The following SLC48A1 variants were observed in gnomAD, a reference collection of about 807,000 sequenced individuals.
SLC48A1 encodes the protein solute carrier family 48 member 1.
SLC48A1 carries 6 observed loss-of-function variants against 14.8 expected under a neutral mutation model. That is an observed-to-expected ratio of 0.41 (90% CI 0.22 to 0.80). SLC48A1 has a LOEUF of 0.80. SLC48A1 is among the 30% of genes least tolerant of loss of function. The probability of loss-of-function intolerance (pLI) is 0.34; values close to 1 mark genes in which losing one functional copy is unlikely to be tolerated. For synonymous variants in SLC48A1, 89 were observed against 90.0 expected, an observed-to-expected ratio of 0.99 and a Z score of 0.06; for missense variants, 165 against 204.8, an observed-to-expected ratio of 0.81 and a Z score of 1.19.
chr12:47,758,878 G>C, intron 1 of SLC48A1: 1 of 1,146,298 alleles, frequency 8.7e-7, no homozygotes, highest in Non-Finnish European at 1.1e-6. Context: ...GCAAGGCTGC[G>C]CTGGCACCGG....
intron 2 of SLC48A1, chr12:47,760,498 G>A: frequency 1.3e-6 from 1 of 741,868 alleles, no homozygotes; most frequent in Non-Finnish European, 1.6e-6. Context: ...GGCTTCCTGA[G>A]ACTGGCAGTT....
At chr12:47,762,258 G>T (rs935511084) in intron 2 of SLC48A1, among the ~76,000 whole-genome samples, 6 of 152,078 alleles carry the variant, frequency 3.9e-5, no homozygotes, top group Non-Finnish European at 7.4e-5. Context: ...ACCAGGCTTT[G>T]ACTCTGGGCT....
upstream of SLC48A1, chr12:47,769,007 C>T (rs577574360): frequency 1.3e-5 from 2 of 152,308 alleles, no homozygotes; most frequent in Admixed American, 6.5e-5. Flanking sequence ...TTCATTCAAG[C>T]CTAGGTTCTT....
chr12:47,776,671 C>T (rs952628173), intron 1 of SLC48A1, among the ~76,000 whole-genome samples: 1 of 152,148 alleles, frequency 6.6e-6, no homozygotes, highest in Admixed American at 6.5e-5. Context: ...GTAAACCATG[C>T]CTGTTGTTAA....
upstream of SLC48A1, chr12:47,757,941 C>T (rs755334594): frequency 6.4e-7 from 1 of 1,558,036 alleles, no homozygotes; most frequent in South Asian, 1.2e-5. Context: ...GGGGCCGGTG[C>T]ATCCTTCTCA....
chr12:47,770,916 C>G (rs57408752), upstream of SLC48A1: 1 of 456,536 alleles, frequency 2.2e-6, no homozygotes, highest in Non-Finnish European at 4.4e-6. Flanking sequence ...GCGGTTCCCA[C>G]TGCCTGGAGT....
At chr12:47,759,133 G>T in intron 1 of SLC48A1, 33 of 982,798 alleles carry the variant, frequency 3.4e-5, no homozygotes, top group Non-Finnish European at 4.0e-5. Context: ...AACGGCCGGG[G>T]TGTCAGGGAT....
At chr12:47,758,208 T>C, upstream of SLC48A1, 1 of 1,439,074 alleles carries the variant, frequency 6.9e-7, no homozygotes, top group Non-Finnish European at 9.1e-7. Context: ...GCTGCAACCC[T>C]GCCAGGAGCT....
chr12:47,774,550 T>G (rs1489999600), intron 1 of SLC48A1, among the ~76,000 whole-genome samples: 1 of 152,174 alleles, frequency 6.6e-6, no homozygotes, highest in Non-Finnish European at 1.5e-5. Context: ...ATTACTAAAA[T>G]CCTCGGCCAA....
intron 1 of SLC48A1, 148 bp from the exon 2 acceptor site, chr12:47,778,880 A>T: frequency 2.2e-6 from 2 of 918,354 alleles, no homozygotes; most frequent in Non-Finnish European, 3.1e-6. Flanking sequence ...TTCTGATATC[A>T]CAGCCTCCGA....
In SLC48A1 at chr12:47,780,821, C is replaced by A. The variant is rs1451778512; in HGVS notation, c.*540C>A. 1 of 498,564 alleles carries A rather than the reference C, an allele frequency of 2.0e-6. No homozygotes were observed. Among genetic ancestry groups the A allele is most frequent in the Non-Finnish European group, 4.0e-6 (1 of 247,232 alleles). The allele number at this position is 498,564 out of a possible 1,614,324, so 30.9% of individuals were successfully genotyped here. On this transcript the variant is annotated 3_prime_UTR_variant, in exon 3 of 3. Coordinates refer to ENST00000442218, the MANE Select transcript of SLC48A1 (RefSeq NM_017842.3). ...ATCTCAGGTGATTCACCCGCCTCAG[C>A]CTTCCAAAGTGCTGGGATTATAGGT...
At chr12:47,759,596 G>A (rs1942308530) in intron 1 of SLC48A1, among the ~76,000 whole-genome samples, 1 of 141,294 alleles carries the variant, frequency 7.1e-6, no homozygotes, top group Non-Finnish European at 1.6e-5. Context: ...GGTAGGTTGA[G>A]GCGGAGACCG....
chr12:47,764,970 G>A (rs369168559), intron 2 of SLC48A1, among the ~76,000 whole-genome samples: 6 of 151,106 alleles, frequency 4.0e-5, no homozygotes, highest in Non-Finnish European at 5.9e-5. Flanking sequence ...CAAGCTACTC[G>A]GGAGGCTGAG....
upstream of SLC48A1, chr12:47,771,660 G>C (rs562440491): frequency 6.6e-6 from 1 of 152,320 alleles, no homozygotes; most frequent in Non-Finnish European, 1.5e-5. Context: ...GGCCGGGCAC[G>C]GTGGGCTCAC....
exon 2 of SLC48A1, chr12:47,760,326 C>A (rs535039707): frequency 1.2e-4 from 118 of 985,372 alleles, no homozygotes; most frequent in Non-Finnish European, 1.4e-4. Flanking sequence ...ATCCATTCAA[C>A]GGAGTTCTGG....
chr12:47,758,768 G>A, intron 1 of SLC48A1: 1 of 1,241,942 alleles, frequency 8.1e-7, no homozygotes, highest in Non-Finnish European at 1.0e-6. Flanking sequence ...TAGAGGGGTG[G>A]GGGCGTGGTG....
At chr12:47,754,714 G>C (rs1363721173), upstream of SLC48A1, among the ~76,000 whole-genome samples, 11 of 152,174 alleles carry the variant, frequency 7.2e-5, no homozygotes, top group Admixed American at 2.0e-4. Flanking sequence ...ATTATTTCAT[G>C]ATGGGCCCTA....
chr12:47,781,231 G>A lies in SLC48A1; in HGVS notation c.*950G>A. On this transcript the variant is annotated 3_prime_UTR_variant, in exon 3 of 3. Coordinates refer to ENST00000442218, the MANE Select transcript of SLC48A1 (RefSeq NM_017842.3). ...AAATGAGGCCAGACTCAGGGTCACGGGGAATGTGCTTCTGCCCCTGTAAGG... is the reference window on the plus strand; with the variant it reads ...AAATGAGGCCAGACTCAGGGTCACGAGGAATGTGCTTCTGCCCCTGTAAGG... 4.6e-6 allele frequency: 1 copy of A among 219,412 alleles called. No homozygotes were observed. Among genetic ancestry groups the A allele is most frequent in the East Asian group, 1.5e-4 (1 of 6,748 alleles). The allele number at this position is 219,412 out of a possible 1,614,324, so 13.6% of individuals were successfully genotyped here. A position where few individuals can be genotyped will look rare whatever the true frequency, so the allele number is the denominator to read the frequency against.
At chr12:47,776,269 C>T (rs1325229699) in intron 1 of SLC48A1, among the ~76,000 whole-genome samples, 2 of 152,250 alleles carry the variant, frequency 1.3e-5, no homozygotes, top group African/African-American at 2.4e-5. Flanking sequence ...AGCCAATAAG[C>T]TCACATGGCT....
Sources: gnomAD v4.1 joint callset for allele counts (sites outside exome capture counted in the v4.1 genomes callset) on GRCh38, gnomAD v4.1.1 for gene constraint, MANE v1.5 for transcripts, NCBI Gene and HGNC (gene_info 2026-07-23, HGNC 2026-07-21) for gene names.